The following WBP2NL variants were observed in gnomAD, a reference collection of about 807,000 sequenced individuals.
WBP2NL encodes the protein WBP2 N-terminal like.
In WBP2NL, 27 loss-of-function variants were observed where a neutral mutation model predicts 23.3. That is an observed-to-expected ratio of 1.16 (90% CI 0.85 to 1.60). WBP2NL has a LOEUF of 1.60. Ranked by LOEUF, WBP2NL falls within the 40% of genes most tolerant of loss-of-function variation. The pLI is 0.00. For missense variants in WBP2NL, 370 were observed against 389.5 expected (o/e 0.95, Z 0.42); for synonymous variants, 151 against 145.9 (o/e 1.03, Z -0.25).
At chr22:42,001,115 C>T (rs944171837) in intron 1 of WBP2NL, 2 of 1,049,072 alleles carry the variant, frequency 1.9e-6, no homozygotes, top group East Asian at 2.4e-5. Context: ...CACAAAAGCA[C>T]CACCCATGCC....
chr22:42,043,811 C>T (rs988595620), intron 8 of WBP2NL, among the ~76,000 whole-genome samples: 3 of 152,050 alleles, frequency 2.0e-5, no homozygotes, highest in Admixed American at 1.3e-4. Context: ...ACTGCAACCT[C>T]CACCTCCCAG....
chr22:42,007,908 T>C (rs1249431011), intron 1 of WBP2NL, among the ~76,000 whole-genome samples: 4 of 152,210 alleles, frequency 2.6e-5, no homozygotes, highest in Non-Finnish European at 4.4e-5. Flanking sequence ...TTCTTTTGGA[T>C]GTATACCCAG....
intron 1 of WBP2NL, among the ~76,000 whole-genome samples, chr22:42,014,240 T>C (rs1219997496): frequency 6.6e-6 from 1 of 151,922 alleles, no homozygotes; most frequent in African/African-American, 2.4e-5. Flanking sequence ...TTTTTTCTTA[T>C]TTTGAGACAG....
intron 8 of WBP2NL, among the ~76,000 whole-genome samples, chr22:42,056,308 C>G (rs1267959779): frequency 6.6e-6 from 1 of 152,196 alleles, no homozygotes; most frequent in Admixed American, 6.5e-5. Context: ...CTGTTCCCCT[C>G]CTCCTTTATG....
intron 8 of WBP2NL, among the ~76,000 whole-genome samples, chr22:42,050,676 T>C (rs1925808312): frequency 6.7e-6 from 1 of 150,080 alleles, no homozygotes; most frequent in African/African-American, 2.4e-5. Flanking sequence ...AAAAAACTAA[T>C]TAAAAAATGG....
chr22:42,036,803 G>A (rs1925198160), downstream of WBP2NL, among the ~76,000 whole-genome samples: 7 of 152,080 alleles, frequency 4.6e-5, no homozygotes, highest in South Asian at 1.2e-3. Flanking sequence ...TGAGTTGTAT[G>A]AGTTCCTTAT....
At chr22:42,008,996 G>A (rs1331964166) in intron 1 of WBP2NL, among the ~76,000 whole-genome samples, 1 of 151,936 alleles carries the variant, frequency 6.6e-6, no homozygotes, top group African/African-American at 2.4e-5. Context: ...AGCCAGGATG[G>A]TCTCGATCTC....
Position 42,013,004 on chromosome 22 carries a change from C to A in WBP2NL, c.63-6307C>A, listed in dbSNP as rs1402297270. Among the ~76,000 whole-genome samples, 5 of 149,500 alleles carry A rather than the reference C, an allele frequency of 3.3e-5. No individual in the cohort carries two copies. The East Asian group carries it at 9.9e-4, about 30-fold the overall frequency. On this transcript the variant is annotated intron_variant, in intron 1 of 5. Transcript: ENST00000328823. ...ATGACTCTGTCTCAAAAAAAAAAAA[C>A]AACGGAGTGTTTTTTTACTTTTAGC... is the stretch of plus-strand genomic sequence containing the variant.
intron 1 of WBP2NL, among the ~76,000 whole-genome samples, chr22:42,018,645 G>A (rs1390807311): frequency 1.3e-5 from 2 of 152,066 alleles, no homozygotes; most frequent in South Asian, 2.1e-4. Context: ...GGGGCAGTCT[G>A]CTGCCTTACT....
At chr22:42,048,265 CA>C (rs1925675863) in intron 8 of WBP2NL, among the ~76,000 whole-genome samples, 1 of 150,318 alleles carries the variant, frequency 6.7e-6, no homozygotes, top group Non-Finnish European at 1.5e-5. Context: ...ATTAAAAGTA[CA>C]AAAATTAGCC....
intron 8 of WBP2NL, among the ~76,000 whole-genome samples, chr22:42,058,003 G>A (rs1316899124): frequency 3.1e-5 from 4 of 128,602 alleles, no homozygotes; most frequent in Non-Finnish European, 3.1e-5. Context: ...TGCAACCTCC[G>A]CCTCCCAGGA....
chr22:42,020,771 C>G (rs1466585478), intron 4 of WBP2NL, among the ~76,000 whole-genome samples: 1 of 148,296 alleles, frequency 6.7e-6, no homozygotes, highest in Non-Finnish European at 1.5e-5. Context: ...GAGGTACTGT[C>G]AAGACTTATA....
At chr22:42,053,372 T>A (rs2146826009) in intron 8 of WBP2NL, among the ~76,000 whole-genome samples, 1 of 152,314 alleles carries the variant, frequency 6.6e-6, no homozygotes, top group East Asian at 1.9e-4. Flanking sequence ...TAACTCTGTT[T>A]AACATTTTGA....
intron 1 of WBP2NL, among the ~76,000 whole-genome samples, chr22:41,999,533 A>G (rs574791937): frequency 6.6e-6 from 1 of 152,188 alleles, no homozygotes; most frequent in African/African-American, 2.4e-5. Context: ...CTCTTATCCC[A>G]ACAGTTTGGG....
At chr22:42,017,995 C>A (rs936591251) in intron 1 of WBP2NL, among the ~76,000 whole-genome samples, 1 of 151,866 alleles carries the variant, frequency 6.6e-6, no homozygotes, top group African/African-American at 2.4e-5. Flanking sequence ...CCAAAAAATA[C>A]AAAAATTAGC....
chr22:42,000,233 C>T (rs1002904856), intron 1 of WBP2NL, among the ~76,000 whole-genome samples: 2 of 152,166 alleles, frequency 1.3e-5, no homozygotes, highest in Non-Finnish European at 2.9e-5. Context: ...TTCCTTCCTC[C>T]AGAAAGTTTT....
Position 42,016,756 on chromosome 22 carries a change from C to T in WBP2NL, c.63-2555C>T, listed in dbSNP as rs978856817. On this transcript the variant is annotated intron_variant, in intron 1 of 5. Coordinates refer to ENST00000328823, the MANE Select transcript of WBP2NL (RefSeq NM_152613.3). ...CTTTTAAAAATCCTCCCCTTTTAAT[C>T]TGCACATTACCACCCTAGTTCCAGT... Among the ~76,000 whole-genome samples the T allele has an allele frequency of 2.6e-5, 4 of 152,156 alleles. No homozygotes were observed. The East Asian group carries it at 7.7e-4, about 29-fold the overall frequency.
intron 1 of WBP2NL, among the ~76,000 whole-genome samples, chr22:42,007,445 T>C (rs1384798471): frequency 6.6e-6 from 1 of 152,184 alleles, no homozygotes; most frequent in Non-Finnish European, 1.5e-5. Context: ...TAAAATACAC[T>C]TATTGCAGAA....
chr22:42,025,123 A>G (rs1924361182), intron 5 of WBP2NL, among the ~76,000 whole-genome samples: 1 of 152,186 alleles, frequency 6.6e-6, no homozygotes, highest in East Asian at 1.9e-4. Flanking sequence ...AAAGGTTTTT[A>G]ATTTTTATCA....
Sources: allele counts gnomAD v4.1 joint callset (sites outside exome capture counted in the v4.1 genomes callset), GRCh38; gene constraint gnomAD v4.1.1; transcripts MANE v1.5; gene names NCBI Gene and HGNC (gene_info 2026-07-23, HGNC 2026-07-21).